The following TYMS variants were observed in gnomAD, a reference collection of about 807,000 sequenced individuals.
TYMS encodes the protein thymidylate synthetase, also known as thymidylate synthase.
Under a neutral mutation model 39.3 loss-of-function variants are expected in TYMS, and 21 were observed. The observed-to-expected ratio is 0.54, with a 90% CI of 0.38 to 0.77. The LOEUF (loss-of-function observed/expected upper bound fraction) is 0.77, where lower values mean the gene tolerates loss of function less well. Among genes scored for constraint, TYMS ranks in the 30% least tolerant of loss-of-function variants. TYMS has a pLI of 0.00. For synonymous variants in TYMS, 171 were observed against 162.2 expected, an observed-to-expected ratio of 1.05 and a Z score of -0.41; for missense variants, 273 against 406.7, an observed-to-expected ratio of 0.67 and a Z score of 2.83.
chr18:671,172 T>G (rs2075028132), intron 5 of TYMS: 1 of 611,592 alleles, frequency 1.6e-6, no homozygotes, highest in East Asian at 2.8e-5. Context: ...TTTGGGAGAC[T>G]GAGACAGGAG....
chr18:671,417 T>G lies in TYMS; in HGVS notation c.770T>G (p.Ile257Ser). Reference protein sequence around the residue: ...DFIHTLGDAHIYLNHIEPLKI... With the variant: ...DFIHTLGDAHSYLNHIEPLKI... ...ATACACACTTTGGGAGATGCACATA[T>G]TTACCTGAATCACATCGAGCCACTG... The change falls in exon 6 of 7, where the codon ATT (isoleucine) becomes AGT (serine). Residue 257 changes from isoleucine to serine, a missense_variant. Physicochemically the swap from Ile to Ser is moderately radical, Grantham distance 142 (BLOSUM62 -2). Around this residue, in one of 3 missense-constraint regions of TYMS, gnomAD observed 10 missense variants for 38.2 expected, o/e 0.26. Coordinates refer to ENST00000323274, the MANE Select transcript of TYMS (RefSeq NM_001071.4). The G allele has an allele frequency of 6.2e-7, 1 of 1,613,116 alleles. No individual in the cohort carries two copies. Among genetic ancestry groups the G allele is most frequent in the Non-Finnish European group, 8.5e-7 (1 of 1,179,512 alleles).
Position 662,217 on chromosome 18 carries a change from T to C in TYMS, c.351T>C (p.Phe117=). ...GGGATGCCAATGGATCCCGAGACTT[T>C]TTGGACAGCCTGGGATTCTCCACCA... is the stretch of plus-strand genomic sequence containing the variant. ...KIWDANGSRD[F]LDSLGFSTRE... is the part of the protein sequence containing the mutation. The change falls in exon 3 of 7, where the codon TTT becomes TTC. Residue 117 remains phenylalanine, a synonymous_variant. Transcript: ENST00000323274. The C allele has an allele frequency of 6.2e-7, 1 of 1,613,992 alleles. No homozygotes were observed. Among genetic ancestry groups the C allele is most frequent in the Middle Eastern group, 1.6e-4 (1 of 6,062 alleles).
At chr18:659,812 A>C in intron 2 of TYMS, 98 bp downstream of exon 2, 3 of 1,090,584 alleles carry the variant, frequency 2.8e-6, no homozygotes, top group Non-Finnish European at 4.2e-6. Flanking sequence ...GTGGTGGCTC[A>C]CGCCTGTAAT....
chr18:668,438 C>T (rs903021827), intron 3 of TYMS, among the ~76,000 whole-genome samples: 2 of 152,152 alleles, frequency 1.3e-5, no homozygotes, highest in African/African-American at 2.4e-5. Context: ...GGATTAAAAT[C>T]CAGAGACCAG....
intron 4 of TYMS, 98 bp from the exon 5 acceptor site, chr18:670,594 A>C: frequency 7.5e-7 from 1 of 1,341,344 alleles, no homozygotes; most frequent in Non-Finnish European, 1.0e-6. Context: ...GGTCTCCACC[A>C]TATGAGTTGG....
chr18:667,992 ATTTTT>A (rs60409589), intron 3 of TYMS, among the ~76,000 whole-genome samples: 1 of 105,368 alleles, frequency 9.5e-6, no homozygotes, highest in South Asian at 3.5e-4. Flanking sequence ...ATTCACAGGA[ATTTTT>A]TTTTTTTTTT....
intron 3 of TYMS, among the ~76,000 whole-genome samples, chr18:664,216 T>C (rs2074784633): frequency 6.6e-6 from 1 of 152,066 alleles, no homozygotes; most frequent in Admixed American, 6.5e-5. Context: ...GTAGTTCTCC[T>C]TGAAGAGGTC....
intron 4 of TYMS, chr18:670,401 C>T (rs923759966): frequency 6.4e-6 from 2 of 314,466 alleles, no homozygotes; most frequent in Non-Finnish European, 1.2e-5. Flanking sequence ...ATTATTCCTG[C>T]TGTATTTGTA....
intron 3 of TYMS, among the ~76,000 whole-genome samples, chr18:668,284 C>G (rs1247198110): frequency 6.6e-6 from 1 of 152,056 alleles, no homozygotes; most frequent in African/African-American, 2.4e-5. Context: ...AGAGGACTTT[C>G]CTCCCAAAAT....
intron 3 of TYMS, chr18:667,584 G>T (rs2074880916): frequency 1.0e-5 from 1 of 98,914 alleles, no homozygotes. Context: ...TGGTGATGGT[G>T]ATGGTGATGG....
chr18:666,432 C>G (rs2074817564), intron 3 of TYMS, among the ~76,000 whole-genome samples: 1 of 152,172 alleles, frequency 6.6e-6, no homozygotes, highest in South Asian at 2.1e-4. Flanking sequence ...CATCTCACTC[C>G]TGGACTTCCA....
At chr18:666,158 T>C in intron 3 of TYMS, among the ~76,000 whole-genome samples, 1 of 98,724 alleles carries the variant, frequency 1.0e-5, no homozygotes, top group Non-Finnish European at 1.9e-5. Context: ...CTAAGTCTCT[T>C]TGTAGGTCAG....
chr18:666,950 GTGATGGAGATGGA>G (rs1209526698), intron 3 of TYMS, among the ~76,000 whole-genome samples: 6 of 31,348 alleles, frequency 1.9e-4, no homozygotes, highest in South Asian at 1.4e-3. Flanking sequence ...GATGGTGATG[GTGATGGAGATGGA>G]GATGGTGATG....
intron 3 of TYMS, among the ~76,000 whole-genome samples, chr18:668,635 C>A (rs1316101026): frequency 6.6e-6 from 1 of 152,154 alleles, no homozygotes; most frequent in Non-Finnish European, 1.5e-5. Flanking sequence ...ATACTATATT[C>A]TACATAAGAT....
Position 673,205 on chromosome 18 carries a change from C to T in TYMS, c.*208C>T. 2.3e-6 allele frequency: 1 copy of T among 434,532 alleles called. No individual in the cohort carries two copies. Among genetic ancestry groups the T allele is most frequent in the Non-Finnish European group, 4.0e-6 (1 of 248,924 alleles). The allele number at this position is 434,532 out of a possible 1,614,324, so 26.9% of individuals were successfully genotyped here. A position where few individuals can be genotyped will look rare whatever the true frequency, so the allele number is the denominator to read the frequency against. On this transcript the variant is annotated 3_prime_UTR_variant, in exon 7 of 7. Coordinates refer to ENST00000323274, the MANE Select transcript of TYMS (RefSeq NM_001071.4). ...TAATAAAAGGCTTTGAGTTAACTCACTGAGGGTATCTGACAATGCTGAGGT... is the reference window on the plus strand; with the variant it reads ...TAATAAAAGGCTTTGAGTTAACTCATTGAGGGTATCTGACAATGCTGAGGT...
chr18:659,920 A>C (rs2144258963), intron 2 of TYMS, among the ~76,000 whole-genome samples: 1 of 152,228 alleles, frequency 6.6e-6, no homozygotes, highest in African/African-American at 2.4e-5. Context: ...TAATAACACA[A>C]AAAATTAGCC....
In TYMS at chr18:673,056, G is replaced by A. The variant is rs866384890; in HGVS notation, c.*59G>A. On this transcript the variant is annotated 3_prime_UTR_variant, in exon 7 of 7. Coordinates refer to ENST00000323274, the MANE Select transcript of TYMS (RefSeq NM_001071.4). ...GTCTTTAGGGGTTGGGCTGGATGCC[G>A]AGGTAAAAGTTCTTTTTGCTCTAAA... The A allele has an allele frequency of 1.9e-5, 28 of 1,436,758 alleles. No homozygotes were observed. Among genetic ancestry groups the A allele is most frequent in the African/African-American group, 7.0e-5 (5 of 71,238 alleles). 89.0% of individuals were successfully genotyped at this position (1,436,758 alleles called of 1,614,324 possible). A position where few individuals can be genotyped will look rare whatever the true frequency, so the allele number is the denominator to read the frequency against.
intron 2 of TYMS, among the ~76,000 whole-genome samples, chr18:661,072 T>C (rs1376652728): frequency 6.6e-6 from 1 of 152,182 alleles, no homozygotes; most frequent in Admixed American, 6.5e-5. Context: ...TAGAGCCTGG[T>C]CTGAATGGAT....
At chr18:666,877 C>T (rs895373182) in intron 3 of TYMS, among the ~76,000 whole-genome samples, 5 of 144,754 alleles carry the variant, frequency 3.5e-5, no homozygotes, top group Non-Finnish European at 6.0e-5. Context: ...TTAGGGATGA[C>T]GAAAAAGTTC....
Sources: allele counts gnomAD v4.1 joint callset (sites outside exome capture counted in the v4.1 genomes callset), GRCh38; gene constraint gnomAD v4.1.1; regional missense constraint gnomAD v4.1.1; transcripts MANE v1.5; gene names NCBI Gene and HGNC (gene_info 2026-07-23, HGNC 2026-07-21).